GREM2: variants seen among roughly 807,000 people sequenced by gnomAD.
The protein encoded by GREM2 is gremlin-2.
In GREM2, 11 loss-of-function variants were observed where a neutral mutation model predicts 14.2. The observed-to-expected ratio is 0.78, with a 90% confidence interval of 0.49 to 1.28. GREM2 has a LOEUF of 1.28. GREM2 is among the 50% of genes most tolerant of loss of function. The pLI, the probability that GREM2 is intolerant of heterozygous loss-of-function variation, is 0.00. For synonymous variants in GREM2, 98 were observed against 97.6 expected (o/e 1.00, Z -0.02); for missense variants, 210 against 218.5 (o/e 0.96, Z 0.24).
intron 1 of GREM2, among the ~76,000 whole-genome samples, chr1:240,515,952 T>A (rs79740244): frequency 1.3e-3 from 201 of 152,266 alleles, no homozygotes; most frequent in African/African-American, 4.7e-3. Context: ...CTCTGGCTCC[T>A]AAAGGTTTCT....
intron 1 of GREM2, among the ~76,000 whole-genome samples, chr1:240,549,336 CAA>C (rs55943785): frequency 0.31 from 38,642 of 126,006 alleles, 5,223 homozygotes; most frequent in East Asian, 0.42. Context: ...AACTCCATCT[CAA>C]AAAAAAAAAA....
intron 1 of GREM2, among the ~76,000 whole-genome samples, chr1:240,498,526 G>A (rs1464755529): frequency 1.3e-5 from 2 of 152,176 alleles, no homozygotes; most frequent in East Asian, 1.9e-4. Flanking sequence ...AACTGCTAAC[G>A]GCACCTACAC....
intron 1 of GREM2, among the ~76,000 whole-genome samples, chr1:240,538,182 C>T (rs554635902): frequency 2.0e-4 from 31 of 152,182 alleles, no homozygotes; most frequent in Middle Eastern, 3.2e-3. Flanking sequence ...TATAAGCTAA[C>T]CTAAAACGTT....
chr1:240,556,159 C>T (rs1024046616), intron 1 of GREM2, among the ~76,000 whole-genome samples: 15 of 152,130 alleles, frequency 9.9e-5, no homozygotes, highest in East Asian at 1.9e-4. Flanking sequence ...TATTCACTTA[C>T]GCCGGGCACA....
At chr1:240,601,271 G>A (rs1679917201) in intron 1 of GREM2, among the ~76,000 whole-genome samples, 1 of 152,156 alleles carries the variant, frequency 6.6e-6, no homozygotes, top group Admixed American at 6.5e-5. Flanking sequence ...CAAAGTGATA[G>A]TTCCACACAG....
chr1:240,509,202 GCCTTCTGC>G (rs1677744251), intron 1 of GREM2, among the ~76,000 whole-genome samples: 1 of 152,068 alleles, frequency 6.6e-6, no homozygotes, highest in Non-Finnish European at 1.5e-5. Context: ...TGTGGGCTGT[GCCTTCTGC>G]AGCTCTATGG....
intron 1 of GREM2, among the ~76,000 whole-genome samples, chr1:240,494,315 C>T (rs998805145): frequency 6.6e-5 from 10 of 152,280 alleles, no homozygotes; most frequent in African/African-American, 2.2e-4. Flanking sequence ...TGAGGTCACA[C>T]AACCACTAAA....
intron 1 of GREM2, among the ~76,000 whole-genome samples, chr1:240,605,187 C>A (rs140652405): frequency 6.6e-6 from 1 of 152,134 alleles, no homozygotes; most frequent in African/African-American, 2.4e-5. Context: ...AGTGTACTCT[C>A]GTGGCAAAAC....
intron 1 of GREM2, among the ~76,000 whole-genome samples, chr1:240,528,313 G>A (rs1678270898): frequency 6.6e-6 from 1 of 152,000 alleles, no homozygotes; most frequent in Non-Finnish European, 1.5e-5. Context: ...CAAGTTCAAG[G>A]GACTTTGACA....
intron 1 of GREM2, among the ~76,000 whole-genome samples, chr1:240,525,136 T>G (rs1291353662): frequency 6.6e-6 from 1 of 152,230 alleles, no homozygotes; most frequent in Non-Finnish European, 1.5e-5. Context: ...CCTTTAACAC[T>G]GGATTCTGTG....
At position 240,588,159 on chromosome 1, in the gene GREM2, TTTGTACTGTTTTTCAGTGTTTTGCACTG is replaced by T. The variant is rs1388810670; in HGVS notation, c.-2+23697_-2+23724del. 2.6e-5 allele frequency among the ~76,000 whole-genome samples: 4 copies of T among 152,288 alleles called. No individual in the cohort carries two copies. In the East Asian group the frequency reaches 7.7e-4, roughly 29 times the overall value. ...GAAGGGACGATTCTGAGGTGTGTGTTTTGTACTGTTTTTCAGTGTTTTGCACTGTTTTTCAGTGTTTTCCCATTGCACT... is the reference window on the plus strand; with the variant it reads ...GAAGGGACGATTCTGAGGTGTGTGTTTTTTTCAGTGTTTTCCCATTGCACT... On this transcript the variant is annotated intron_variant, in intron 1 of 1. Transcript: ENST00000318160.
rs537817991 is a variant in GREM2, at chr1:240,510,197, G to A, written c.-1-16721C>T. The stretch of plus-strand genomic sequence containing the variant: ...ATCCTGGCTAACACGGTGAAACCCC[G>A]TCTCCACTAAAAATACAAAGAAATG... On this transcript the variant is annotated intron_variant, in intron 1 of 1. Transcript: ENST00000318160. Among the ~76,000 whole-genome samples, 10 of 151,780 alleles carry A rather than the reference G, an allele frequency of 6.6e-5. No individual in the cohort carries two copies. The South Asian group carries it at 1.9e-3, about 28-fold the overall frequency.
At chr1:240,573,371 A>AT (rs150867967) in intron 1 of GREM2, among the ~76,000 whole-genome samples, 3,065 of 151,994 alleles carry the variant, frequency 0.02, 92 homozygotes, top group African/African-American at 0.069. Context: ...AGTATTACTG[A>AT]TTTTTTTTCT....
chr1:240,503,686 G>A (rs1173773019), intron 1 of GREM2, among the ~76,000 whole-genome samples: 5 of 152,120 alleles, frequency 3.3e-5, no homozygotes, highest in African/African-American at 1.2e-4. Flanking sequence ...TATAGCTATT[G>A]CTTTAGCCTG....
At chr1:240,564,145 C>T (rs6659227) in intron 1 of GREM2, among the ~76,000 whole-genome samples, 5,889 of 151,994 alleles carry the variant, frequency 0.039, 313 homozygotes, top group African/African-American at 0.12. Flanking sequence ...AACGTGAAGG[C>T]TGCAATGAGC....
intron 1 of GREM2, among the ~76,000 whole-genome samples, chr1:240,571,517 A>G (rs1679260537): frequency 6.6e-6 from 1 of 152,034 alleles, no homozygotes; most frequent in South Asian, 2.1e-4. Context: ...AACATGGTGA[A>G]ACCCCATCTC....
In GREM2 at chr1:240,601,907, C is replaced by T. The variant is rs374394632; in HGVS notation, c.-2+9977G>A. ...CAGCCTGGGCGACAGAGTGAGAATCCATCTCAAAAAAAAAAAAAAAAAAAG... is the reference window on the plus strand; with the variant it reads ...CAGCCTGGGCGACAGAGTGAGAATCTATCTCAAAAAAAAAAAAAAAAAAAG... On this transcript the variant is annotated intron_variant, in intron 1 of 1. Transcript: ENST00000318160. Among the ~76,000 whole-genome samples, 616 of 117,816 alleles carry T rather than the reference C, an allele frequency of 5.2e-3. 3 individuals carry two copies. The highest frequency in any genetic ancestry group is 0.019 in the African/African-American group (579 of 30,266). 77.3% of individuals were successfully genotyped at this position (117,816 alleles called of 152,430 possible).
intron 1 of GREM2, among the ~76,000 whole-genome samples, chr1:240,539,444 T>A (rs1437579922): frequency 6.6e-6 from 1 of 152,188 alleles, no homozygotes; most frequent in Non-Finnish European, 1.5e-5. Flanking sequence ...ACACATCTCT[T>A]TCCCTTCCTG....
chr1:240,575,030 G>C (rs957666474), intron 1 of GREM2, among the ~76,000 whole-genome samples: 1 of 152,024 alleles, frequency 6.6e-6, no homozygotes, highest in East Asian at 1.9e-4. Flanking sequence ...TTGGTTGAAC[G>C]TGGGAGGCGG....
Sources: gnomAD v4.1 joint callset for allele counts (sites outside exome capture counted in the v4.1 genomes callset) on GRCh38, gnomAD v4.1.1 for gene constraint, MANE v1.5 for transcripts, NCBI Gene and HGNC (gene_info 2026-07-23, HGNC 2026-07-21) for gene names.